The following DNAJC10 variants were observed in gnomAD, a reference collection of about 807,000 sequenced individuals.
DNAJC10 encodes the protein endoplasmic reticulum disulfide reductase DNAJC10.
In DNAJC10, 101 loss-of-function variants were observed where a neutral mutation model predicts 115.0. That is an observed-to-expected ratio of 0.88 (90% CI 0.75 to 1.04). The LOEUF is 1.04. Ranked by LOEUF, DNAJC10 falls within the 50% of genes least tolerant of loss-of-function variation. DNAJC10 has a pLI of 0.00. For missense variants in DNAJC10, 981 were observed against 928.8 expected, an observed-to-expected ratio of 1.06 and a Z score of -0.73; for synonymous variants, 307 against 301.5, an observed-to-expected ratio of 1.02 and a Z score of -0.19.
intron 13 of DNAJC10, 86 bp downstream of exon 13, chr2:182,741,442 A>C (rs1301161928): frequency 1.6e-6 from 1 of 622,872 alleles, no homozygotes; most frequent in African/African-American, 1.9e-5. Flanking sequence ...AATAACATAA[A>C]AACTCTTATT....
At chr2:182,757,445 A>G (rs1031411376) in intron 18 of DNAJC10, among the ~76,000 whole-genome samples, 2 of 152,214 alleles carry the variant, frequency 1.3e-5, no homozygotes, top group Admixed American at 1.3e-4. Context: ...GTTTTTTCTC[A>G]TGTAACAGTT....
At chr2:182,740,588 C>G (rs1010020418) in intron 12 of DNAJC10, among the ~76,000 whole-genome samples, 200 bp downstream of exon 12, 6 of 152,118 alleles carry the variant, frequency 3.9e-5, no homozygotes, top group Non-Finnish European at 1.5e-5. Context: ...ATCTGTAGTT[C>G]TGGAAAACCT....
intron 11 of DNAJC10, 191 bp from the exon 12 acceptor site, chr2:182,740,104 CTTAG>C: frequency 1.0e-6 from 1 of 988,298 alleles, no homozygotes; most frequent in Non-Finnish European, 1.2e-6. Context: ...TAAGAAACAG[CTTAG>C]TTATATAATA....
intron 14 of DNAJC10, among the ~76,000 whole-genome samples, chr2:182,748,366 CTT>C (rs1476328233): frequency 2.0e-5 from 3 of 152,074 alleles, no homozygotes; most frequent in Non-Finnish European, 4.4e-5. Context: ...GTCCTGGACT[CTT>C]TTTGTTTGGT....
intron 2 of DNAJC10, 149 bp from the exon 3 acceptor site, chr2:182,717,791 TG>T (rs1307986503): frequency 9.3e-6 from 2 of 214,034 alleles, no homozygotes; most frequent in Non-Finnish European, 1.9e-5. Context: ...GCTACATGGA[TG>T]TAGAAAGAGT....
chr2:182,718,076 T>C lies in DNAJC10; in HGVS notation c.-11T>C. On this transcript the variant is annotated 5_prime_UTR_variant, in exon 3 of 24. Transcript: ENST00000264065. ...ATGTTCACTTAAATCAGAACTTGCA[T>C]AAGAAAGAGAATGGGAGTCTGGTTA... 3 of 1,579,424 alleles carry C rather than the reference T, an allele frequency of 1.9e-6. No individual in the cohort carries two copies. In the East Asian group the frequency reaches 6.8e-5, roughly 36 times the overall value.
intron 23 of DNAJC10, 142 bp downstream of exon 23, chr2:182,775,562 A>AAAT: frequency 1.8e-6 from 1 of 569,284 alleles, no homozygotes; most frequent in Non-Finnish European, 3.2e-6. Context: ...CTACTTTGGG[A>AAAT]AATAGGACAA....
At chr2:182,735,154 A>C (rs1693552907) in intron 10 of DNAJC10, among the ~76,000 whole-genome samples, 1 of 150,914 alleles carries the variant, frequency 6.6e-6, no homozygotes, top group African/African-American at 2.4e-5. Context: ...TTAAAATTTC[A>C]TTTCCCATCT....
At chr2:182,762,920 A>C in intron 22 of DNAJC10, 119 bp downstream of exon 22, 1 of 1,136,218 alleles carries the variant, frequency 8.8e-7, no homozygotes, top group Non-Finnish European at 1.2e-6. Context: ...ATATTATTAC[A>C]TATTACTGAT....
rs1694193969 is a variant in DNAJC10 at position 182,757,771 on chromosome 2, G to A, written c.1889G>A (p.Arg630Lys). The change falls in exon 19 of 24, where the codon AGA (arginine) becomes AAA (lysine). Residue 630 changes from arginine (R) to lysine (K), a missense_variant. Transcript: ENST00000264065. ...TTTTGTGCCCAGGAAAACGTTCAAA[G>A]ATACCCTGAGATAAGATTTTTTCCC... ...HSFCAQENVQ[R>K]YPEIRFFPPK... The A allele has an allele frequency of 1.3e-6, 2 of 1,583,910 alleles. No individual in the cohort carries two copies. Among genetic ancestry groups the A allele is most frequent in the African/African-American group, 2.7e-5 (2 of 74,046 alleles).
intron 16 of DNAJC10, among the ~76,000 whole-genome samples, chr2:182,754,225 C>A (rs1449152680): frequency 6.6e-6 from 1 of 152,190 alleles, no homozygotes; most frequent in Non-Finnish European, 1.5e-5. Context: ...TGAATTTGCA[C>A]ACATTTTTCA....
chr2:182,755,142 C>A, intron 17 of DNAJC10, 38 bp downstream of exon 17: 2 of 1,285,306 alleles, frequency 1.6e-6, no homozygotes, highest in Non-Finnish European at 2.3e-6. Context: ...AGAAATTTGT[C>A]TGTTTCTATG....
At chr2:182,743,898 A>G (rs1693799332) in intron 14 of DNAJC10, among the ~76,000 whole-genome samples, 186 bp downstream of exon 14, 1 of 152,210 alleles carries the variant, frequency 6.6e-6, no homozygotes. Flanking sequence ...TCTTTTTAAC[A>G]TGAATGCCTT....
chr2:182,745,958 A>G (rs987539470), intron 14 of DNAJC10, among the ~76,000 whole-genome samples: 3 of 151,968 alleles, frequency 2.0e-5, no homozygotes, highest in African/African-American at 7.3e-5. Context: ...TCATTGTTCA[A>G]TTCCCACCTA....
At position 182,783,961 on chromosome 2, in the gene DNAJC10, CA is replaced by C. The variant is rs1006417339; in HGVS notation, c.*6831del. The stretch of plus-strand genomic sequence containing the variant: ...ATTAACTAATATAAATTAATCCTAT[CA>C]AGTTAATTTGTAATAAATTCAAGAT... On this transcript the variant is annotated 3_prime_UTR_variant, in exon 24 of 24. Coordinates refer to ENST00000264065, the MANE Select transcript of DNAJC10 (RefSeq NM_018981.4). The C allele has an allele frequency of 6.6e-6, 1 of 152,148 alleles. No homozygotes were observed. The highest frequency in any genetic ancestry group is 2.4e-5 in the African/African-American group (1 of 41,424). The allele number at this position is 152,148 out of a possible 1,614,324, so 9.4% of individuals were successfully genotyped here.
chr2:182,755,338 A>G (rs939298478), intron 17 of DNAJC10, among the ~76,000 whole-genome samples: 2 of 151,982 alleles, frequency 1.3e-5, no homozygotes, highest in African/African-American at 4.8e-5. Flanking sequence ...CTTATAAACA[A>G]TGGACACAAT....
At chr2:182,752,540 A>G (rs956013872) in intron 16 of DNAJC10, 76 of 880,118 alleles carry the variant, frequency 8.6e-5, no homozygotes, top group Non-Finnish European at 1.0e-4. Flanking sequence ...CTTTCTTCAT[A>G]CTTCTAAGTA....
intron 11 of DNAJC10, among the ~76,000 whole-genome samples, chr2:182,739,257 A>G (rs902271508): frequency 2.0e-5 from 3 of 147,488 alleles, no homozygotes; most frequent in African/African-American, 7.4e-5. Flanking sequence ...TATCTCATAT[A>G]TATATATTCA....
At chr2:182,766,446 G>T (rs1247469050) in intron 22 of DNAJC10, among the ~76,000 whole-genome samples, 1 of 152,152 alleles carries the variant, frequency 6.6e-6, no homozygotes, top group African/African-American at 2.4e-5. Context: ...AGATTTAAAT[G>T]AGTAATACTA....
Sources: allele counts gnomAD v4.1 joint callset (sites outside exome capture counted in the v4.1 genomes callset), GRCh38; gene constraint gnomAD v4.1.1; transcripts MANE v1.5; gene names NCBI Gene and HGNC (gene_info 2026-07-23, HGNC 2026-07-21).